The following PLSCR4 variants were observed in gnomAD, a reference collection of about 807,000 sequenced individuals.
PLSCR4 encodes Ca(2+)-dependent phospholipid scramblase 4.
Under a neutral mutation model 36.3 loss-of-function variants are expected in PLSCR4, and 25 were observed. That is an observed-to-expected ratio of 0.69 (90% CI 0.50 to 0.96). The LOEUF is 0.96. Ranked by LOEUF, PLSCR4 falls within the 40% of genes least tolerant of loss-of-function variation. The pLI is 0.00. For missense variants in PLSCR4, 408 were observed against 414.7 expected (o/e 0.98, Z 0.14); for synonymous variants, 122 against 132.9 (o/e 0.92, Z 0.56).
chr3:146,225,999 G>GT (rs1366667511), intron 1 of PLSCR4, among the ~76,000 whole-genome samples: 2 of 152,204 alleles, frequency 1.3e-5, no homozygotes, highest in African/African-American at 2.4e-5. Context: ...ATGATTCCAC[G>GT]TAAGAATGTT....
At chr3:146,229,612 T>C (rs866285765) in intron 1 of PLSCR4, among the ~76,000 whole-genome samples, 7,907 of 129,384 alleles carry the variant, frequency 0.061, 636 homozygotes, top group African/African-American at 0.18. Context: ...TTTATTTATT[T>C]ATTTATTTAT....
chr3:146,206,073 T>C (rs1425788089), intron 4 of PLSCR4, among the ~76,000 whole-genome samples: 3 of 152,080 alleles, frequency 2.0e-5, no homozygotes, highest in Non-Finnish European at 4.4e-5. Context: ...TTGTTTGTTT[T>C]TGGGGGTGAC....
Position 146,194,305 on chromosome 3 carries a change from ACAAAG to A in PLSCR4, c.*101_*105del. Reference sequence around the variant, plus strand: ...AGTTAACACCCAATAAAAATACTCTACAAAGCAAAGAAATACACTTGCAAATAACT... The same window carrying A: ...AGTTAACACCCAATAAAAATACTCTACAAAGAAATACACTTGCAAATAACT... On this transcript the variant is annotated 3_prime_UTR_variant, in exon 9 of 9. Transcript: ENST00000354952. 5.0e-6 allele frequency: 4 copies of A among 794,936 alleles called. No homozygotes were observed. The highest frequency in any genetic ancestry group is 8.7e-6 in the Non-Finnish European group (4 of 458,008). The allele number at this position is 794,936 out of a possible 1,614,324, so 49.2% of individuals were successfully genotyped here.
chr3:146,194,929 T>C (rs997034686), intron 8 of PLSCR4, among the ~76,000 whole-genome samples, 195 bp downstream of exon 8: 6 of 152,194 alleles, frequency 3.9e-5, no homozygotes, highest in African/African-American at 1.2e-4. Context: ...CTGAAAATTA[T>C]AAGTATTTTA....
rs112134113 is a variant in PLSCR4, at chr3:146,201,328, A to G, written c.355-251T>C. On this transcript the variant is annotated intron_variant, in intron 4 of 8. Transcript: ENST00000354952. ...TACCACTTTAAAAAAGTTGTCTGCT[A>G]TATCAGAAAAACAAAACATCTACTT... is the stretch of plus-strand genomic sequence containing the variant. Among the ~76,000 whole-genome samples the G allele has an allele frequency of 2.9e-4, 44 of 152,242 alleles. No individual in the cohort carries two copies. The Middle Eastern group carries it at 0.01, about 35-fold the overall frequency.
chr3:146,199,926 G>C lies in PLSCR4; in HGVS notation c.511C>G (p.Leu171Val). ...DDFTRNAYRT[L>V]RPFVLRVTDC... ...GTGACCCGGAGGACGAAGGGCCTTA[G>C]TGTCCGATAGGCATTCCTGGTAAAG... The change falls in exon 6 of 9, where the codon CTA becomes GTA. Residue 171 changes from leucine (L) to valine (V), a missense_variant. Coordinates refer to ENST00000354952, the MANE Select transcript of PLSCR4 (RefSeq NM_020353.3). 1.9e-6 allele frequency: 3 copies of C among 1,613,532 alleles called. No individual in the cohort carries two copies. Among genetic ancestry groups the C allele is most frequent in the Non-Finnish European group, 2.5e-6 (3 of 1,179,682 alleles).
intron 1 of PLSCR4, among the ~76,000 whole-genome samples, chr3:146,247,023 CATCT>C (rs760020956): frequency 6.6e-6 from 1 of 152,054 alleles, no homozygotes; most frequent in Non-Finnish European, 1.5e-5. Context: ...AAATGGCAAT[CATCT>C]ATATACTTTT....
At chr3:146,229,655 C>T (rs1398190145) in intron 1 of PLSCR4, among the ~76,000 whole-genome samples, 2 of 149,772 alleles carry the variant, frequency 1.3e-5, no homozygotes, top group African/African-American at 2.5e-5. Flanking sequence ...GATGGAGTCT[C>T]GCTCTGTCAC....
chr3:146,220,805 T>G lies in PLSCR4; in HGVS notation c.118+10A>C. ...CAAAGGAGAATATCTTTTATGAATA[T>G]TTAACCCACCTGGTAAAAAATGAGA... On this transcript the variant is annotated intron_variant, in intron 3 of 8. Transcript: ENST00000354952. 6.6e-7 allele frequency: 1 copy of G among 1,522,068 alleles called. No homozygotes were observed. The highest frequency in any genetic ancestry group is 1.7e-4 in the Middle Eastern group (1 of 5,902). The allele number at this position is 1,522,068 out of a possible 1,614,324, so 94.3% of individuals were successfully genotyped here.
chr3:146,203,377 C>G (rs948940019), intron 4 of PLSCR4, among the ~76,000 whole-genome samples: 3 of 151,914 alleles, frequency 2.0e-5, no homozygotes, highest in Admixed American at 2.0e-4. Context: ...GCAAGAGACC[C>G]TAACAGGGAA....
intron 1 of PLSCR4, among the ~76,000 whole-genome samples, chr3:146,232,284 G>T (rs2035742549): frequency 6.6e-6 from 1 of 152,030 alleles, no homozygotes; most frequent in Non-Finnish European, 1.5e-5. Flanking sequence ...TGACGCCTCT[G>T]GCTTTCTTCT....
At chr3:146,218,761 G>A (rs1414908070) in intron 3 of PLSCR4, among the ~76,000 whole-genome samples, 2 of 152,100 alleles carry the variant, frequency 1.3e-5, no homozygotes, top group African/African-American at 4.8e-5. Flanking sequence ...CCTCTGTTAC[G>A]GAGCGTTGTC....
intron 1 of PLSCR4, among the ~76,000 whole-genome samples, chr3:146,233,196 T>C (rs1323907777): frequency 6.6e-6 from 1 of 152,132 alleles, no homozygotes; most frequent in East Asian, 1.9e-4. Context: ...GCTAATAATA[T>C]AGATTACAAA....
At chr3:146,232,307 T>A (rs72992903) in intron 1 of PLSCR4, among the ~76,000 whole-genome samples, 10,922 of 152,216 alleles carry the variant, frequency 0.072, 1,029 homozygotes, top group African/African-American at 0.22. Flanking sequence ...TTGTTTAGGA[T>A]CGCTTTGGCT....
intron 1 of PLSCR4, among the ~76,000 whole-genome samples, chr3:146,233,719 G>T (rs771675181): frequency 1.3e-5 from 2 of 152,100 alleles, no homozygotes; most frequent in African/African-American, 2.4e-5. Context: ...TAAGCAATCT[G>T]TTCAAGGTTA....
intron 1 of PLSCR4, among the ~76,000 whole-genome samples, chr3:146,240,263 T>C (rs995370023): frequency 1.3e-5 from 2 of 151,994 alleles, no homozygotes. Flanking sequence ...AATAAGCACA[T>C]AAAAATATTC....
intron 1 of PLSCR4, among the ~76,000 whole-genome samples, chr3:146,236,362 AC>A (rs1431087661): frequency 1.3e-5 from 2 of 152,198 alleles, no homozygotes; most frequent in African/African-American, 4.8e-5. Context: ...AAAATCATGT[AC>A]TAAGCGTATA....
At chr3:146,244,061 C>G (rs557137824) in intron 1 of PLSCR4, among the ~76,000 whole-genome samples, 1 of 152,212 alleles carries the variant, frequency 6.6e-6, no homozygotes, top group East Asian at 1.9e-4. Context: ...CTGTTAAGCA[C>G]TTATTTGTGA....
In PLSCR4 at chr3:146,203,940, CT is replaced by C. The variant is rs1489229160; in HGVS notation, c.354+2585del. Among the ~76,000 whole-genome samples the C allele has an allele frequency of 3.9e-5, 6 of 152,060 alleles. No homozygotes were observed. In the South Asian group the frequency reaches 8.3e-4, roughly 21 times the overall value. On this transcript the variant is annotated intron_variant, in intron 4 of 8. Transcript: ENST00000354952. ...TGGCTAACTGGTGCTAGAAGACTAG[CT>C]TTTGGCCTATCTCAACTTTCAACAT...
Sources: gnomAD v4.1 joint callset for allele counts (sites outside exome capture counted in the v4.1 genomes callset) on GRCh38, gnomAD v4.1.1 for gene constraint, MANE v1.5 for transcripts, NCBI Gene and HGNC (gene_info 2026-07-23, HGNC 2026-07-21) for gene names.